LRP1B: variants seen among roughly 807,000 people sequenced by gnomAD.
LRP1B encodes the protein low-density lipoprotein receptor-related protein 1B.
In LRP1B, 217 loss-of-function variants were observed where a neutral mutation model predicts 556.6. The observed-to-expected ratio is 0.39, with a 90% CI of 0.35 to 0.44. The LOEUF (loss-of-function observed/expected upper bound fraction) is 0.44, where lower values mean the gene tolerates loss of function less well. Among genes scored for constraint, LRP1B ranks in the 20% least tolerant of loss-of-function variants. The pLI, the probability that LRP1B is intolerant of heterozygous loss-of-function variation, is 1.00. For missense variants in LRP1B, 5,053 were observed against 5,620.8 expected (o/e 0.90, Z 3.23); for synonymous variants, 2,047 against 1,865.8 (o/e 1.10, Z -2.50).
intron 2 of LRP1B, among the ~76,000 whole-genome samples, chr2:141,596,089 C>T (rs1687501615): frequency 6.6e-6 from 1 of 151,466 alleles, no homozygotes; most frequent in South Asian, 2.1e-4. Context: ...ATTTGGATAC[C>T]AACAGATATA....
chr2:140,473,208 C>T (rs1467726264), intron 60 of LRP1B, among the ~76,000 whole-genome samples: 2 of 151,960 alleles, frequency 1.3e-5, no homozygotes, highest in African/African-American at 4.8e-5. Context: ...AATTATTGGC[C>T]TGCGCTCAGA....
intron 6 of LRP1B, among the ~76,000 whole-genome samples, chr2:141,220,276 C>T (rs777033811): frequency 6.6e-6 from 1 of 152,106 alleles, no homozygotes; most frequent in Non-Finnish European, 1.5e-5. Flanking sequence ...CTTCACAATG[C>T]AACCACAAGT....
In LRP1B at chr2:140,297,819, C is replaced by T. The variant is rs186816923; in HGVS notation, c.12956G>A (p.Arg4319Lys). 3.9e-5 allele frequency: 63 copies of T among 1,613,194 alleles called. 1 individual carries two copies. In the East Asian group the frequency reaches 1.4e-3, roughly 36 times the overall value. Residue 4319 changes from arginine (R) to lysine (K), a missense_variant, in exon 84 of 91, where the codon AGA becomes AAA. Coordinates refer to ENST00000389484, the MANE Select transcript of LRP1B (RefSeq NM_018557.3). ...CTGCTTTTACTTACAGTACTGACATCTGTCTCCGGTGTATTCCGGCTGGCA... is the reference window on the plus strand; with the variant it reads ...CTGCTTTTACTTACAGTACTGACATTTGTCTCCGGTGTATTCCGGCTGGCA... ...CHCQPEYTGD[R>K]CQYYVCHHYC...
At chr2:141,710,997 T>C (rs1692336323) in intron 2 of LRP1B, among the ~76,000 whole-genome samples, 1 of 152,204 alleles carries the variant, frequency 6.6e-6, no homozygotes, top group South Asian at 2.1e-4. Context: ...AAAATATATT[T>C]CTAGCCTTAT....
In LRP1B at chr2:141,184,718, A is replaced by C. The variant is rs575447281; in HGVS notation, c.1013+3703T>G. Among the ~76,000 whole-genome samples the C allele has an allele frequency of 2.1e-4, 32 of 150,746 alleles. No homozygotes were observed. The South Asian group carries it at 6.5e-3, about 31-fold the overall frequency. On this transcript the variant is annotated intron_variant, in intron 7 of 90. Coordinates refer to ENST00000389484, the MANE Select transcript of LRP1B (RefSeq NM_018557.3). ...CTTTTCTCTTATCAATATGTCTTTTATTATAGGTGCCTCAGCCAAAGTGCA... is the reference window on the plus strand; with the variant it reads ...CTTTTCTCTTATCAATATGTCTTTTCTTATAGGTGCCTCAGCCAAAGTGCA...
intron 41 of LRP1B, among the ~76,000 whole-genome samples, chr2:140,655,671 G>A (rs752524310): frequency 1.3e-5 from 2 of 152,180 alleles, no homozygotes; most frequent in African/African-American, 4.8e-5. Context: ...CGCCAGGCGC[G>A]GTGGCTCACG....
At chr2:141,059,094 GT>G in intron 8 of LRP1B, 40 bp from the exon 9 acceptor site, 1 of 1,282,762 alleles carries the variant, frequency 7.8e-7, no homozygotes, top group Non-Finnish European at 1.0e-6. Flanking sequence ...TTTTAATTAT[GT>G]AGCTTGCAAT....
chr2:141,792,612 C>T (rs143773414), intron 2 of LRP1B, among the ~76,000 whole-genome samples: 1,659 of 152,046 alleles, frequency 0.011, 23 homozygotes, highest in Non-Finnish European at 0.017. Flanking sequence ...TTTCCTAATG[C>T]TTCATAAAGA....
intron 14 of LRP1B, 58 bp from the exon 15 acceptor site, chr2:141,005,515 G>C: frequency 1.3e-6 from 2 of 1,558,880 alleles, no homozygotes; most frequent in African/African-American, 1.4e-5. Flanking sequence ...CTTTCTAGGA[G>C]GTGAACATAG....
At chr2:140,652,357 A>G (rs1447027970) in intron 41 of LRP1B, among the ~76,000 whole-genome samples, 1 of 152,110 alleles carries the variant, frequency 6.6e-6, no homozygotes, top group Admixed American at 6.5e-5. Context: ...CACTAGAATA[A>G]AGGAAGTTAT....
At chr2:141,422,065 T>C (rs557224625) in intron 3 of LRP1B, among the ~76,000 whole-genome samples, 3 of 152,348 alleles carry the variant, frequency 2.0e-5, no homozygotes, top group East Asian at 3.9e-4. Flanking sequence ...CAGTTTTTTA[T>C]GAATGAATGA....
At chr2:140,645,697 C>A (rs1291755203) in intron 41 of LRP1B, among the ~76,000 whole-genome samples, 2 of 151,640 alleles carry the variant, frequency 1.3e-5, no homozygotes, top group African/African-American at 4.8e-5. Flanking sequence ...TGCCACGACG[C>A]CCGGCTAATT....
At chr2:141,371,677 A>G (rs974922173) in intron 3 of LRP1B, among the ~76,000 whole-genome samples, 64 of 152,250 alleles carry the variant, frequency 4.2e-4, no homozygotes, top group Admixed American at 4.1e-3. Flanking sequence ...GATCATTATT[A>G]GTATATAGAA....
chr2:141,636,294 T>C lies in LRP1B; in HGVS notation c.206-155761A>G, dbSNP rs537810945. On this transcript the variant is annotated intron_variant, in intron 2 of 90. Coordinates refer to ENST00000389484, the MANE Select transcript of LRP1B (RefSeq NM_018557.3). ...TTGTTTTATTAAACTGATAAACAAG[T>C]CAACAAAAAAAGCATGAACATAATG... Among the ~76,000 whole-genome samples the C allele has an allele frequency of 2.1e-4, 32 of 152,144 alleles. No homozygotes were observed. The South Asian group carries it at 6.4e-3, about 31-fold the overall frequency.
intron 7 of LRP1B, among the ~76,000 whole-genome samples, chr2:141,163,966 T>C (rs1031542829): frequency 6.6e-6 from 1 of 152,126 alleles, no homozygotes; most frequent in Non-Finnish European, 1.5e-5. Context: ...ATTATATTAC[T>C]ATTTCTGTGG....
chr2:141,556,928 A>G (rs139118865), intron 2 of LRP1B, among the ~76,000 whole-genome samples: 137 of 151,880 alleles, frequency 9.0e-4, no homozygotes, highest in African/African-American at 3.2e-3. Context: ...CAACTCCTAC[A>G]TATTTCTTCT....
intron 1 of LRP1B, among the ~76,000 whole-genome samples, chr2:141,917,309 T>G (rs1700063203): frequency 6.6e-6 from 1 of 152,146 alleles, no homozygotes; most frequent in Non-Finnish European, 1.5e-5. Context: ...AGGAACGCTA[T>G]TAACAACTGA....
intron 41 of LRP1B, among the ~76,000 whole-genome samples, chr2:140,633,902 G>A (rs1196735866): frequency 2.6e-5 from 4 of 152,034 alleles, no homozygotes; most frequent in South Asian, 2.1e-4. Flanking sequence ...TTTATACAAC[G>A]TCTTCCAGAA....
At chr2:142,096,009 C>T (rs1451458349) in intron 1 of LRP1B, among the ~76,000 whole-genome samples, 1 of 151,704 alleles carries the variant, frequency 6.6e-6, no homozygotes, top group East Asian at 1.9e-4. Context: ...AACTGGAATT[C>T]AGTGTGGGTG....
Sources: allele counts gnomAD v4.1 joint callset (sites outside exome capture counted in the v4.1 genomes callset), GRCh38; gene constraint gnomAD v4.1.1; transcripts MANE v1.5; gene names NCBI Gene and HGNC (gene_info 2026-07-23, HGNC 2026-07-21).